Variants in ASIC2 observed in about 807,000 individuals in gnomAD.
ASIC2 encodes the protein acid-sensing ion channel 2.
A neutral mutation model predicts 57.3 loss-of-function variants in ASIC2; 25 were observed. The ratio of observed to expected loss-of-function variants is 0.44; its 90% CI spans 0.32 to 0.61. The LOEUF (loss-of-function observed/expected upper bound fraction) is 0.61. ASIC2 is among the 20% of genes least tolerant of loss of function. The pLI, the probability that ASIC2 is intolerant of heterozygous loss-of-function variation, is 0.06. For missense variants in ASIC2, 641 were observed against 738.1 expected (o/e 0.87, Z 1.52); for synonymous variants, 319 against 307.5 (o/e 1.04, Z -0.39).
intron 1 of ASIC2, among the ~76,000 whole-genome samples, chr17:33,609,322 C>A (rs1432970529): frequency 6.6e-6 from 1 of 152,184 alleles, no homozygotes; most frequent in African/African-American, 2.4e-5. Flanking sequence ...CCTGCCTGCT[C>A]CCGCTCCACT....
chr17:33,943,747 T>C (rs1380458468), intron 1 of ASIC2, among the ~76,000 whole-genome samples: 2 of 151,780 alleles, frequency 1.3e-5, no homozygotes, highest in Non-Finnish European at 2.9e-5. Context: ...GCTCTCATTG[T>C]GCATCTGCTG....
At chr17:33,886,293 T>G (rs1317201734) in intron 1 of ASIC2, among the ~76,000 whole-genome samples, 2 of 151,996 alleles carry the variant, frequency 1.3e-5, no homozygotes, top group Non-Finnish European at 2.9e-5. Flanking sequence ...TTGGCCAAGG[T>G]AAGACACACG....
At chr17:33,327,225 T>C (rs1227604958) in intron 1 of ASIC2, among the ~76,000 whole-genome samples, 1 of 152,208 alleles carries the variant, frequency 6.6e-6, no homozygotes, top group Non-Finnish European at 1.5e-5. Flanking sequence ...TCTTCCCATT[T>C]CTTCAAGGCC....
At chr17:33,141,453 G>A (rs766385238) in intron 1 of ASIC2, among the ~76,000 whole-genome samples, 2 of 152,190 alleles carry the variant, frequency 1.3e-5, no homozygotes, top group Non-Finnish European at 2.9e-5. Context: ...AAGGAAAAGC[G>A]GCATAAAATG....
intron 1 of ASIC2, among the ~76,000 whole-genome samples, chr17:33,229,217 G>A (rs1278221864): frequency 1.3e-5 from 2 of 152,138 alleles, no homozygotes; most frequent in African/African-American, 4.8e-5. Flanking sequence ...AATGCGGGGG[G>A]AAAGTGGAAT....
intron 1 of ASIC2, among the ~76,000 whole-genome samples, chr17:33,142,299 T>C (rs1904348302): frequency 1.3e-5 from 2 of 152,202 alleles, no homozygotes; most frequent in Non-Finnish European, 2.9e-5. Flanking sequence ...CTGGACTCTT[T>C]ATGGTGTTGA....
chr17:33,066,110 A>G (rs566922319), intron 3 of ASIC2, among the ~76,000 whole-genome samples: 51 of 152,166 alleles, frequency 3.4e-4, no homozygotes, highest in African/African-American at 1.1e-3. Flanking sequence ...GTATGAACCC[A>G]TCTCCAGCGA....
intron 1 of ASIC2, among the ~76,000 whole-genome samples, chr17:34,107,824 C>T (rs1013455149): frequency 1.1e-4 from 16 of 152,134 alleles, no homozygotes; most frequent in Admixed American, 5.2e-4. Flanking sequence ...TTACATTTTT[C>T]GGCTTTAATT....
intron 1 of ASIC2, among the ~76,000 whole-genome samples, chr17:33,766,229 C>A (rs964429046): frequency 2.0e-5 from 3 of 152,280 alleles, no homozygotes; most frequent in East Asian, 1.9e-4. Context: ...AATTGTTAAT[C>A]TCTTACTGTG....
rs2091786979 is a variant in ASIC2, at chr17:33,013,198, A to G, written c.*767T>C. The G allele has an allele frequency of 6.6e-6, 1 of 152,334 alleles. No homozygotes were observed. Among genetic ancestry groups the G allele is most frequent in the African/African-American group, 2.4e-5 (1 of 41,450 alleles). The allele number at this position is 152,334 out of a possible 1,614,324, so 9.4% of individuals were successfully genotyped here. A position where few individuals can be genotyped will look rare whatever the true frequency, so the allele number is the denominator to read the frequency against. ...TCAGAACATCAAAACTAAAATAAAA[A>G]AGCATAAAATGAAGCAAAACAAAAC... is the stretch of plus-strand genomic sequence containing the variant. On this transcript the variant is annotated 3_prime_UTR_variant, in exon 10 of 10. Transcript: ENST00000225823.
At chr17:33,957,345 T>A (rs1009585390) in intron 1 of ASIC2, among the ~76,000 whole-genome samples, 1 of 152,198 alleles carries the variant, frequency 6.6e-6, no homozygotes, top group Admixed American at 6.5e-5. Context: ...TGAAGGTCTC[T>A]TGAGGATTTA....
At chr17:33,048,405 G>A (rs951233575) in intron 3 of ASIC2, among the ~76,000 whole-genome samples, 4 of 152,148 alleles carry the variant, frequency 2.6e-5, no homozygotes, top group Non-Finnish European at 5.9e-5. Context: ...TCGTCTCTGA[G>A]GATCATGCCT....
At chr17:34,001,126 G>C (rs1248917632) in intron 1 of ASIC2, 5 of 152,122 alleles carry the variant, frequency 3.3e-5, no homozygotes, top group African/African-American at 1.2e-4. Flanking sequence ...CATTTGGTGG[G>C]ATCATGTTTC....
At chr17:33,230,251 G>T (rs1908037276) in intron 1 of ASIC2, among the ~76,000 whole-genome samples, 1 of 152,224 alleles carries the variant, frequency 6.6e-6, no homozygotes, top group Admixed American at 6.5e-5. Flanking sequence ...GCCAGCTATG[G>T]GCTCTGACTT....
chr17:33,326,727 AT>A (rs1226447119), intron 1 of ASIC2, among the ~76,000 whole-genome samples: 6 of 152,200 alleles, frequency 3.9e-5, no homozygotes, highest in Non-Finnish European at 8.8e-5. Flanking sequence ...CTTTATTCGT[AT>A]TCAATTAGGA....
At chr17:33,969,540 G>A (rs1417551846) in intron 1 of ASIC2, among the ~76,000 whole-genome samples, 1 of 152,210 alleles carries the variant, frequency 6.6e-6, no homozygotes, top group Non-Finnish European at 1.5e-5. Context: ...GAAAGGGGAA[G>A]GCAGGAAGCA....
chr17:33,190,773 C>T (rs1018945228), intron 1 of ASIC2, among the ~76,000 whole-genome samples: 1 of 152,100 alleles, frequency 6.6e-6, no homozygotes, highest in African/African-American at 2.4e-5. Flanking sequence ...CAATGAGATG[C>T]CACTACACTA....
chr17:33,596,157 C>A (rs1904972504), intron 1 of ASIC2, among the ~76,000 whole-genome samples: 1 of 152,186 alleles, frequency 6.6e-6, no homozygotes, highest in Non-Finnish European at 1.5e-5. Flanking sequence ...ACTGCTCTAG[C>A]CAACCATGAG....
Position 33,512,754 on chromosome 17 carries a change from C to T in ASIC2, c.556-400687G>A, listed in dbSNP as rs1914464746. On this transcript the variant is annotated intron_variant, in intron 1 of 9. Coordinates refer to the ASIC2 transcript ENST00000359872. ...ATGCCAACCTCTTATGGTGCAGACCCCTGGAATAGCTCCCATCACTCACCA... is the reference window on the plus strand; with the variant it reads ...ATGCCAACCTCTTATGGTGCAGACCTCTGGAATAGCTCCCATCACTCACCA... Among the ~76,000 whole-genome samples, 4 of 152,170 alleles carry T rather than the reference C, an allele frequency of 2.6e-5. No individual in the cohort carries two copies. The South Asian group carries it at 8.3e-4, about 32-fold the overall frequency.
Sources: allele counts gnomAD v4.1 joint callset (sites outside exome capture counted in the v4.1 genomes callset), GRCh38; gene constraint gnomAD v4.1.1; transcripts MANE v1.5; gene names NCBI Gene and HGNC (gene_info 2026-07-23, HGNC 2026-07-21).